Variants in C1QTNF3 observed in about 807,000 individuals in gnomAD.
C1QTNF3 encodes the protein complement C1q tumor necrosis factor-related protein 3.
Under a neutral mutation model 32.6 loss-of-function variants are expected in C1QTNF3, and 26 were observed. The observed-to-expected ratio is 0.80, with a 90% CI of 0.58 to 1.11. The LOEUF (loss-of-function observed/expected upper bound fraction) is 1.11. Ranked by LOEUF, C1QTNF3 falls within the 50% of genes least tolerant of loss-of-function variation. C1QTNF3 has a pLI of 0.00. For synonymous variants in C1QTNF3, 155 were observed against 146.0 expected (o/e 1.06, Z -0.44); for missense variants, 362 against 398.2 (o/e 0.91, Z 0.77).
chr5:34,220,932 C>T, the C1QTNF3 span, among the ~76,000 whole-genome samples: 1 of 152,062 alleles, frequency 6.6e-6, no homozygotes, highest in Non-Finnish European at 1.5e-5. Context: ...TTCATGTTTG[C>T]ATGTCCAGTG....
the C1QTNF3 span, among the ~76,000 whole-genome samples, chr5:34,059,671 CT>C: frequency 6.6e-6 from 1 of 152,150 alleles, no homozygotes; most frequent in Non-Finnish European, 1.5e-5. Context: ...ACACCATCAG[CT>C]TGGGGGTTTA....
the C1QTNF3 span, among the ~76,000 whole-genome samples, chr5:34,121,110 T>C: frequency 2.6e-5 from 4 of 152,200 alleles, no homozygotes; most frequent in Non-Finnish European, 4.4e-5. Flanking sequence ...TAGGAAGGCT[T>C]TGAAAATTCC....
chr5:34,201,565 C>G, the C1QTNF3 span, among the ~76,000 whole-genome samples: 1 of 152,072 alleles, frequency 6.6e-6, no homozygotes, highest in African/African-American at 2.4e-5. Context: ...AAATGCTCAT[C>G]TAACCAGTCT....
At chr5:34,239,073 C>A in the C1QTNF3 span, among the ~76,000 whole-genome samples, 1 of 152,166 alleles carries the variant, frequency 6.6e-6, no homozygotes, top group East Asian at 1.9e-4. Context: ...AAACAAATTT[C>A]TTCTCAGATA....
chr5:34,061,930 G>A, the C1QTNF3 span, among the ~76,000 whole-genome samples: 52 of 152,262 alleles, frequency 3.4e-4, no homozygotes, highest in Middle Eastern at 3.4e-3. Flanking sequence ...CAGAAAATGG[G>A]ATTTTCTTTT....
the C1QTNF3 span, among the ~76,000 whole-genome samples, chr5:34,213,220 GATT>G: frequency 2.0e-5 from 3 of 152,078 alleles, no homozygotes; most frequent in Admixed American, 6.6e-5. Context: ...GGCTCATTAA[GATT>G]ATTATAGGGT....
chr5:34,123,276 A>G, the C1QTNF3 span, among the ~76,000 whole-genome samples: 4 of 152,294 alleles, frequency 2.6e-5, no homozygotes, highest in South Asian at 4.1e-4. Flanking sequence ...TGCAGCCCTT[A>G]CAATTTGATA....
the C1QTNF3 span, among the ~76,000 whole-genome samples, chr5:34,078,391 G>T: frequency 7.7e-5 from 11 of 143,292 alleles, no homozygotes; most frequent in East Asian, 2.2e-3. The surrounding 1 kb of genome is among the most constrained non-coding windows in gnomAD (Gnocchi z 4.0). Flanking sequence ...AGTTCCACAT[G>T]TCTTGGGAGG....
At chr5:34,217,905 T>A in the C1QTNF3 span, among the ~76,000 whole-genome samples, 4 of 152,090 alleles carry the variant, frequency 2.6e-5, no homozygotes, top group African/African-American at 7.2e-5. Context: ...GATAAACTCC[T>A]CTAACAGTGA....
At chr5:34,080,425 G>C in the C1QTNF3 span, among the ~76,000 whole-genome samples, 1 of 151,694 alleles carries the variant, frequency 6.6e-6, no homozygotes, top group African/African-American at 2.4e-5. Context: ...AGCCTGTGCT[G>C]TTAAACATTT....
the C1QTNF3 span, among the ~76,000 whole-genome samples, chr5:34,122,195 G>A: frequency 6.6e-6 from 1 of 152,202 alleles, no homozygotes; most frequent in African/African-American, 2.4e-5. Flanking sequence ...GAGTTTCAAA[G>A]TGCATGGTAG....
chr5:34,127,769 G>A, the C1QTNF3 span, among the ~76,000 whole-genome samples: 1 of 151,574 alleles, frequency 6.6e-6, no homozygotes, highest in Non-Finnish European at 1.5e-5. Context: ...GTTTCTAAAA[G>A]TGTACAGTCA....
At chr5:34,209,697 C>T in the C1QTNF3 span, among the ~76,000 whole-genome samples, 2 of 151,964 alleles carry the variant, frequency 1.3e-5, no homozygotes, top group East Asian at 1.9e-4. Context: ...GCTGTTAAAA[C>T]TTAATTTAGT....
chr5:34,147,879 CCGGTCTACAGCTCCCAGCGTGAG>C, the C1QTNF3 span, among the ~76,000 whole-genome samples: 2 of 152,136 alleles, frequency 1.3e-5, no homozygotes, highest in Non-Finnish European at 2.9e-5. Context: ...AGGAACAGCT[CCGGTCTACAGCTCCCAGCGTGAG>C]CGACGCAGAA....
the C1QTNF3 span, among the ~76,000 whole-genome samples, chr5:34,063,296 TC>T: frequency 8.8e-5 from 7 of 79,468 alleles, no homozygotes; most frequent in African/African-American, 3.6e-4. Context: ...TCCCTCTCTC[TC>T]CTCTCTCTCT....
chr5:34,138,587 A>G, the C1QTNF3 span, among the ~76,000 whole-genome samples: 2 of 152,118 alleles, frequency 1.3e-5, no homozygotes, highest in Non-Finnish European at 2.9e-5. Flanking sequence ...CTTGAATTCT[A>G]TGATGTTGGC....
the C1QTNF3 span, among the ~76,000 whole-genome samples, chr5:34,062,969 G>A: frequency 3.3e-5 from 5 of 152,050 alleles, no homozygotes; most frequent in East Asian, 9.7e-4. Flanking sequence ...AGCAGTTGCT[G>A]CTACAGATTG....
intron 1 of C1QTNF3, among the ~76,000 whole-genome samples, chr5:34,041,485 T>C (rs1754870417): frequency 6.6e-6 from 1 of 152,198 alleles, no homozygotes; most frequent in Admixed American, 6.5e-5. Flanking sequence ...AAGGATACCA[T>C]GTGTGAAATG....
the C1QTNF3 span, among the ~76,000 whole-genome samples, chr5:34,196,559 A>G: frequency 6.6e-6 from 1 of 152,398 alleles, no homozygotes; most frequent in Admixed American, 6.5e-5. Flanking sequence ...TATGACGAGG[A>G]AATGTTTTAT....
Sources: allele counts gnomAD v4.1 joint callset (sites outside exome capture counted in the v4.1 genomes callset), GRCh38; gene constraint gnomAD v4.1.1; non-coding constraint Gnocchi (gnomAD v3.1); transcripts MANE v1.5; gene names NCBI Gene and HGNC (gene_info 2026-07-23, HGNC 2026-07-21).